The following DTWD2 variants were observed in gnomAD, a reference collection of about 807,000 sequenced individuals.
The protein encoded by DTWD2 is tRNA-uridine aminocarboxypropyltransferase 2.
Under a neutral mutation model 31.8 loss-of-function variants are expected in DTWD2, and 39 were observed. The ratio of observed to expected loss-of-function variants is 1.22; its 90% CI spans 0.95 to 1.60. The LOEUF is 1.60. Ranked by LOEUF, DTWD2 falls within the 40% of genes most tolerant of loss-of-function variation. The pLI is 0.00. For missense variants in DTWD2, 515 were observed against 381.5 expected (o/e 1.35, Z -2.92); for synonymous variants, 180 against 142.8 (o/e 1.26, Z -1.86).
In DTWD2 at chr5:118,988,474, G is replaced by A; in HGVS notation, c.38C>T (p.Pro13Leu). Residue 13 changes from proline (P) to leucine (L), a missense_variant, in exon 1 of 6, where the codon CCC becomes CTC. Transcript: ENST00000510708. ...TGAGGCCCCAGAAGGCCGCGCAACG[G>A]GCTCCTGGAGTGTTCGTGCCTCTTT... ...SQKEARTLQE[P>L]VARPSGASSS... The A allele has an allele frequency of 1.2e-6, 2 of 1,601,832 alleles. No homozygotes were observed. The highest frequency in any genetic ancestry group is 1.7e-6 in the Non-Finnish European group (2 of 1,175,504).
At chr5:118,927,076 G>T (rs1753825211) in intron 4 of DTWD2, among the ~76,000 whole-genome samples, 2 of 152,208 alleles carry the variant, frequency 1.3e-5, no homozygotes, top group Admixed American at 6.5e-5. Context: ...GAGAAAGAGA[G>T]AGAGAGAGAC....
At chr5:118,903,740 C>G (rs1753266308) in intron 4 of DTWD2, among the ~76,000 whole-genome samples, 1 of 151,672 alleles carries the variant, frequency 6.6e-6, no homozygotes, top group Non-Finnish European at 1.5e-5. Flanking sequence ...ATTGAATTTC[C>G]TGGAAATGTA....
chr5:118,890,009 A>C (rs749419463), intron 4 of DTWD2, among the ~76,000 whole-genome samples: 9 of 152,230 alleles, frequency 5.9e-5, no homozygotes, highest in Non-Finnish European at 1.3e-4. Context: ...AAAGAAAGTA[A>C]ATGTCATTAT....
chr5:118,945,150 T>C (rs193118351), intron 1 of DTWD2, among the ~76,000 whole-genome samples: 12 of 152,330 alleles, frequency 7.9e-5, no homozygotes, highest in Non-Finnish European at 1.8e-4. Flanking sequence ...GAAACTCAAA[T>C]AGACGCCACC....
At chr5:118,923,762 G>T (rs997338327) in intron 4 of DTWD2, among the ~76,000 whole-genome samples, 3 of 152,146 alleles carry the variant, frequency 2.0e-5, no homozygotes, top group Admixed American at 6.5e-5. Flanking sequence ...TCTCTGAGGA[G>T]GCAAGGACTG....
rs180824071 is a variant in DTWD2, at chr5:118,969,144, T to C, written c.218+19150A>G. Among the ~76,000 whole-genome samples, 9 of 151,586 alleles carry C rather than the reference T, an allele frequency of 5.9e-5. 1 individual carries two copies. The South Asian group carries it at 6.3e-4, about 11-fold the overall frequency. ...ATTTCAGCTACACTAGCCTGAGTTATATGAACAGATCTCTGATCACTCCCT... is the reference window on the plus strand; with the variant it reads ...ATTTCAGCTACACTAGCCTGAGTTACATGAACAGATCTCTGATCACTCCCT... On this transcript the variant is annotated intron_variant, in intron 1 of 5. Coordinates refer to ENST00000510708, the MANE Select transcript of DTWD2 (RefSeq NM_173666.4).
rs1753150120 is a variant in DTWD2, at chr5:118,899,218, T to A, written c.597+29319A>T. 3.3e-5 allele frequency among the ~76,000 whole-genome samples: 5 copies of A among 152,364 alleles called. No individual in the cohort carries two copies. The South Asian group carries it at 1.0e-3, about 32-fold the overall frequency. ...AGAGTTCCTGAGCTCAAGAAGACTG[T>A]GATGTGTCTCATGAAGAAAACACAT... On this transcript the variant is annotated intron_variant, in intron 4 of 5. Transcript: ENST00000510708.
intron 1 of DTWD2, among the ~76,000 whole-genome samples, chr5:118,981,926 T>C (rs1394454810): frequency 1.3e-5 from 2 of 152,162 alleles, no homozygotes; most frequent in Non-Finnish European, 2.9e-5. Flanking sequence ...GAAAAACAAA[T>C]GCAGTCATAC....
intron 4 of DTWD2, among the ~76,000 whole-genome samples, chr5:118,885,456 C>CAA (rs34550372): frequency 0.018 from 1,028 of 57,014 alleles, 23 homozygotes; most frequent in Admixed American, 0.064. Flanking sequence ...GACTCCACCT[C>CAA]AAAAAAAAAA....
chr5:118,903,893 T>C (rs1291110432), intron 4 of DTWD2, among the ~76,000 whole-genome samples: 1 of 152,052 alleles, frequency 6.6e-6, no homozygotes, highest in Non-Finnish European at 1.5e-5. Context: ...TCTCTAAAAA[T>C]ACAGCATTCA....
chr5:118,973,718 C>T lies in DTWD2; in HGVS notation c.218+14576G>A, dbSNP rs1561478149. 4.4e-5 allele frequency: 68 copies of T among 1,556,952 alleles called. No homozygotes were observed. The South Asian group carries it at 4.8e-4, about 11-fold the overall frequency. ...GCGCCTCCTCCGCCGCCGCGGACTC[C>T]GGCAGCTTTATCGCCAGAGTCCCTG... On this transcript the variant is annotated intron_variant, in intron 1 of 5. Coordinates refer to ENST00000510708, the MANE Select transcript of DTWD2 (RefSeq NM_173666.4).
intron 1 of DTWD2, among the ~76,000 whole-genome samples, chr5:118,973,145 T>C (rs1220824801): frequency 2.0e-5 from 3 of 151,762 alleles, no homozygotes; most frequent in South Asian, 2.1e-4. Flanking sequence ...AGCCTATGTG[T>C]GTCTTTGCAC....
Position 118,867,861 on chromosome 5 carries a change from A to G in DTWD2, c.598-19643T>C, listed in dbSNP as rs955843153. Among the ~76,000 whole-genome samples, 7 of 152,320 alleles carry G rather than the reference A, an allele frequency of 4.6e-5. No homozygotes were observed. The East Asian group carries it at 1.4e-3, about 29-fold the overall frequency. On this transcript the variant is annotated intron_variant, in intron 4 of 5. Transcript: ENST00000510708. ...CAATACTACCCAAAGAAATCTACAA[A>G]CCAACGCAATTCCTATCAAAATCCC...
At position 118,860,031 on chromosome 5, in the gene DTWD2, T is replaced by C. The variant is rs765168768; in HGVS notation, c.598-11813A>G. 6.6e-5 allele frequency among the ~76,000 whole-genome samples: 10 copies of C among 152,184 alleles called. 1 individual carries two copies. The highest frequency in any genetic ancestry group is 3.4e-3 in the Middle Eastern group (1 of 294). ...TACGTGGGGAGCTGAGGTGGGAGGA[T>C]AGCTTGAGCCCAGGAAGTTGAGGCT... On this transcript the variant is annotated intron_variant, in intron 4 of 5. Coordinates refer to ENST00000510708, the MANE Select transcript of DTWD2 (RefSeq NM_173666.4).
chr5:118,919,048 G>A (rs933369651), intron 4 of DTWD2, among the ~76,000 whole-genome samples: 2 of 152,194 alleles, frequency 1.3e-5, no homozygotes, highest in Non-Finnish European at 2.9e-5. Flanking sequence ...CTAGCTGCAA[G>A]AGAGACTGGA....
intron 4 of DTWD2, among the ~76,000 whole-genome samples, chr5:118,917,459 C>T (rs913781260): frequency 2.6e-5 from 4 of 152,162 alleles, no homozygotes; most frequent in African/African-American, 9.7e-5. Flanking sequence ...AGAATACAGT[C>T]CATTTCAGAG....
intron 4 of DTWD2, among the ~76,000 whole-genome samples, chr5:118,851,630 G>A (rs1180719138): frequency 2.8e-5 from 4 of 141,964 alleles, no homozygotes; most frequent in East Asian, 2.1e-4. Context: ...AGAAAACAGC[G>A]TTCGACAATG....
chr5:118,951,421 T>C (rs371935283), intron 1 of DTWD2, among the ~76,000 whole-genome samples: 2 of 151,966 alleles, frequency 1.3e-5, no homozygotes, highest in African/African-American at 2.4e-5. Flanking sequence ...TTGGGACGAG[T>C]TGCATTGGGA....
At chr5:118,872,869 T>C (rs1752536991) in intron 4 of DTWD2, among the ~76,000 whole-genome samples, 1 of 152,134 alleles carries the variant, frequency 6.6e-6, no homozygotes. Flanking sequence ...GCAAGTAGAA[T>C]AGCTCCCACA....
Sources: allele counts gnomAD v4.1 joint callset (sites outside exome capture counted in the v4.1 genomes callset), GRCh38; gene constraint gnomAD v4.1.1; transcripts MANE v1.5; gene names NCBI Gene and HGNC (gene_info 2026-07-23, HGNC 2026-07-21).